Variants in CD200R1L observed in about 807,000 individuals in gnomAD.
CD200R1L encodes CD200 receptor 1 like.
Under a neutral mutation model 24.8 loss-of-function variants are expected in CD200R1L, and 14 were observed. That is an observed-to-expected ratio of 0.56 (90% CI 0.37 to 0.88). The LOEUF (loss-of-function observed/expected upper bound fraction) is 0.88. CD200R1L is among the 40% of genes least tolerant of loss of function. The pLI is 0.00. For synonymous variants in CD200R1L, 111 were observed against 109.2 expected (o/e 1.02, Z -0.11); for missense variants, 299 against 297.8 (o/e 1.00, Z -0.03).
At chr3:112,841,759 G>A (rs1469909972) in intron 2 of CD200R1L, among the ~76,000 whole-genome samples, 1 of 152,166 alleles carries the variant, frequency 6.6e-6, no homozygotes, top group African/African-American at 2.4e-5. Flanking sequence ...AGTGGTCCAG[G>A]AGCAGTTTGG....
At chr3:112,825,182 T>C (rs1031223993) in intron 6 of CD200R1L, among the ~76,000 whole-genome samples, 1 of 150,178 alleles carries the variant, frequency 6.7e-6, no homozygotes, top group African/African-American at 2.5e-5. Context: ...GAGCTTGCAG[T>C]GAGCCGAGAT....
intron 7 of CD200R1L, among the ~76,000 whole-genome samples, chr3:112,818,452 C>T (rs1383337859): frequency 6.6e-6 from 1 of 152,226 alleles, no homozygotes; most frequent in African/African-American, 2.4e-5. Flanking sequence ...TGCTAAAATG[C>T]AAATACTGCT....
chr3:112,845,210 A>T (rs1212386058), intron 2 of CD200R1L, among the ~76,000 whole-genome samples: 1 of 152,168 alleles, frequency 6.6e-6, no homozygotes, highest in Admixed American at 6.5e-5. Flanking sequence ...GTGACATTAC[A>T]ATTGATCTCA....
In CD200R1L at chr3:112,829,335, T is replaced by C; in HGVS notation, c.33A>G (p.Ser11=). ...GCATATTACCTTCTGCAAAAATTGT[T>C]GAATAGTTCTGTGTCATCTGCTTTC... is the stretch of plus-strand genomic sequence containing the variant. The part of the protein sequence containing the change: MGGKQMTQNY[S]TIFAEGNISQ... Residue 11 remains serine, a synonymous_variant, in exon 4 of 8, where the codon TCA becomes TCG. Coordinates refer to ENST00000488794, the MANE Select transcript of CD200R1L (RefSeq NM_001199215.3). 1 of 1,614,038 alleles carries C rather than the reference T, an allele frequency of 6.2e-7. No homozygotes were observed.
intron 2 of CD200R1L, 81 bp from the exon 3 acceptor site, chr3:112,838,091 T>C: frequency 4.6e-6 from 2 of 434,304 alleles, no homozygotes; most frequent in Non-Finnish European, 7.3e-6. Flanking sequence ...ACTGATTTCA[T>C]ATAAGATAAT....
In CD200R1L at chr3:112,819,897, T is replaced by C; in HGVS notation, c.617-2A>G. 6.3e-7 allele frequency: 1 copy of C among 1,582,538 alleles called. No homozygotes were observed. Among genetic ancestry groups the C allele is most frequent in the East Asian group, 2.3e-5 (1 of 43,894 alleles). ...CTGGAGATCCTGAGGTTCTGAGACC[T>C]TTAAATACAGACAGGGGTGAAAAAT... On this transcript the variant is annotated splice_acceptor_variant, in intron 6 of 7. Coordinates refer to ENST00000488794, the MANE Select transcript of CD200R1L (RefSeq NM_001199215.3). LOFTEE classifies it high-confidence loss of function.
At chr3:112,842,932 T>C (rs1939116486) in intron 2 of CD200R1L, among the ~76,000 whole-genome samples, 1 of 152,230 alleles carries the variant, frequency 6.6e-6, no homozygotes, top group African/African-American at 2.4e-5. Context: ...GTTCTGCTTT[T>C]GCCCTTTGCC....
In CD200R1L at chr3:112,823,183, G is replaced by A. The variant is rs117640696; in HGVS notation, c.617-3288C>T. Among the ~76,000 whole-genome samples the A allele has an allele frequency of 2.0e-4, 30 of 152,314 alleles. 1 individual carries two copies. In the East Asian group the frequency reaches 5.4e-3, roughly 27 times the overall value. The stretch of plus-strand genomic sequence containing the variant: ...CCTTAAGTTTGAAGTTTGAAGCACT[G>A]ACCCCATTCCTTTGGAGTCTGTGTT... On this transcript the variant is annotated intron_variant, in intron 6 of 7. Transcript: ENST00000488794.
chr3:112,828,919 A>C (rs1025050303), intron 4 of CD200R1L, among the ~76,000 whole-genome samples: 6 of 152,166 alleles, frequency 3.9e-5, no homozygotes, highest in Non-Finnish European at 8.8e-5. Flanking sequence ...ATGTGGATGA[A>C]GTTTGTTTTT....
chr3:112,843,183 A>T (rs975569816), intron 2 of CD200R1L, among the ~76,000 whole-genome samples: 1 of 152,172 alleles, frequency 6.6e-6, no homozygotes, highest in African/African-American at 2.4e-5. Flanking sequence ...AATCTCACTA[A>T]AGAGGTCAAC....
chr3:112,829,262 T>C (rs1938739131), intron 4 of CD200R1L, 57 bp downstream of exon 4: 2 of 1,334,898 alleles, frequency 1.5e-6, no homozygotes, highest in South Asian at 1.2e-5. Flanking sequence ...CTAATGATTC[T>C]ACTGAAGTTC....
At chr3:112,840,281 C>T (rs1939048005) in intron 2 of CD200R1L, among the ~76,000 whole-genome samples, 1 of 152,154 alleles carries the variant, frequency 6.6e-6, no homozygotes, top group South Asian at 2.1e-4. Context: ...CATGGTTCTT[C>T]AGGCTGTATG....
intron 6 of CD200R1L, among the ~76,000 whole-genome samples, chr3:112,820,894 C>A (rs1465192139): frequency 1.3e-5 from 2 of 151,170 alleles, no homozygotes; most frequent in Non-Finnish European, 3.0e-5. Context: ...CATGTTTCTA[C>A]TAAAATACAA....
chr3:112,837,988 C>T lies in CD200R1L; in HGVS notation c.-64G>A. On this transcript the variant is annotated 5_prime_UTR_variant, in exon 3 of 8. Coordinates refer to ENST00000488794, the MANE Select transcript of CD200R1L (RefSeq NM_001199215.3). Reference sequence around the variant, plus strand: ...AACTTTGTATTTCCAGTTGTGTCATCAGACAGGAATTATTATCTGAGGCTA... The same window carrying T: ...AACTTTGTATTTCCAGTTGTGTCATTAGACAGGAATTATTATCTGAGGCTA... 1 of 1,240,656 alleles carries T rather than the reference C, an allele frequency of 8.1e-7. No homozygotes were observed. 76.9% of individuals were successfully genotyped at this position (1,240,656 alleles called of 1,614,324 possible). A position where few individuals can be genotyped will look rare whatever the true frequency, so the allele number is the denominator to read the frequency against.
intron 2 of CD200R1L, among the ~76,000 whole-genome samples, chr3:112,838,472 A>AC (rs1939009410): frequency 8.9e-6 from 1 of 111,932 alleles, no homozygotes; most frequent in East Asian, 2.3e-4. Flanking sequence ...AATTTGCAAA[A>AC]AAAACAAACA....
chr3:112,820,039 A>G (rs1226653812), intron 6 of CD200R1L, 144 bp from the exon 7 acceptor site: 2 of 677,440 alleles, frequency 3.0e-6, no homozygotes, highest in Non-Finnish European at 4.5e-6. Context: ...TTATGACTCA[A>G]ATGTTACTAA....
intron 3 of CD200R1L, among the ~76,000 whole-genome samples, chr3:112,834,234 C>CTTTT (rs5851866): frequency 3.2e-5 from 3 of 93,346 alleles, no homozygotes; most frequent in Admixed American, 1.1e-4. Flanking sequence ...CACCATCATT[C>CTTTT]TTTTTTTTTT....
Position 112,829,558 on chromosome 3 carries a change from A to C in CD200R1L, c.-17-174T>G, listed in dbSNP as rs893914231. The C allele has an allele frequency of 4.5e-6, 4 of 897,028 alleles. No individual in the cohort carries two copies. The South Asian group carries it at 2.1e-4, about 46-fold the overall frequency. The allele number at this position is 897,028 out of a possible 1,614,324, so 55.6% of individuals were successfully genotyped here. On this transcript the variant is annotated intron_variant, in intron 3 of 7. Transcript: ENST00000488794. ...AGTTATGCCATCATTAGAGGAAAAAACATGTTAACATCTTGAAAATTATAC... is the reference window on the plus strand; with the variant it reads ...AGTTATGCCATCATTAGAGGAAAAACCATGTTAACATCTTGAAAATTATAC...
chr3:112,841,930 G>A (rs1336384266), intron 2 of CD200R1L, among the ~76,000 whole-genome samples: 1 of 152,260 alleles, frequency 6.6e-6, no homozygotes, highest in Non-Finnish European at 1.5e-5. Context: ...AGAACACTGA[G>A]AAGAGTAAGG....
Sources: gnomAD v4.1 joint callset for allele counts (sites outside exome capture counted in the v4.1 genomes callset) on GRCh38, gnomAD v4.1.1 for gene constraint, MANE v1.5 for transcripts, NCBI Gene and HGNC (gene_info 2026-07-23, HGNC 2026-07-21) for gene names.